Variants in SLC44A5 observed in about 807,000 individuals in gnomAD.
SLC44A5 encodes choline transporter-like protein 5.
In SLC44A5, 57 loss-of-function variants were observed where a neutral mutation model predicts 101.8. That is an observed-to-expected ratio of 0.56 (90% CI 0.45 to 0.70). SLC44A5 has a LOEUF of 0.70. Ranked by LOEUF, SLC44A5 falls within the 30% of genes least tolerant of loss-of-function variation. The pLI is 0.00. For missense variants in SLC44A5, 737 were observed against 853.1 expected (o/e 0.86, Z 1.70); for synonymous variants, 281 against 290.9 (o/e 0.97, Z 0.35).
intron 1 of SLC44A5, among the ~76,000 whole-genome samples, chr1:75,563,099 G>A (rs956927154): frequency 7.9e-5 from 12 of 152,032 alleles, no homozygotes; most frequent in African/African-American, 2.7e-4. Flanking sequence ...TCATAATGTA[G>A]TTTTATACAA....
At position 75,390,873 on chromosome 1, in the gene SLC44A5, G is replaced by A. The variant is rs77473707; in HGVS notation, c.52+5710C>T. Among the ~76,000 whole-genome samples the A allele has an allele frequency of 4.8e-3, 728 of 152,058 alleles. 4 individuals are homozygous for A. The highest frequency in any genetic ancestry group is 0.017 in the African/African-American group (696 of 41,492). On this transcript the variant is annotated intron_variant, in intron 3 of 23. Coordinates refer to ENST00000370859, the MANE Select transcript of SLC44A5 (RefSeq NM_001130058.2). ...ATCAGGTGAGAGAACAAAACAAAACGGATCTAAATAGGAAAAGAATATGTA... is the reference window on the plus strand; with the variant it reads ...ATCAGGTGAGAGAACAAAACAAAACAGATCTAAATAGGAAAAGAATATGTA...
At chr1:75,604,913 T>C (rs1675232310) in intron 1 of SLC44A5, among the ~76,000 whole-genome samples, 1 of 152,082 alleles carries the variant, frequency 6.6e-6, no homozygotes, top group African/African-American at 2.4e-5. Flanking sequence ...CCAAAAGTCT[T>C]TGGCAGTCTT....
At chr1:75,390,922 T>C (rs1419576687) in intron 3 of SLC44A5, among the ~76,000 whole-genome samples, 4 of 152,094 alleles carry the variant, frequency 2.6e-5, no homozygotes, top group Admixed American at 6.6e-5. Context: ...CCACTGAAGA[T>C]AGAACTCGAT....
rs573459442 is a variant in SLC44A5, at chr1:75,405,884, A to AC, written c.14-9264_14-9263insG. ...AGCAGAACTGAAGGCGATAGAGATAAAAAAAAAAAAAACCCTTTAAAAAAT... is the reference window on the plus strand; with the variant it reads ...AGCAGAACTGAAGGCGATAGAGATAACAAAAAAAAAAAACCCTTTAAAAAAT... On this transcript the variant is annotated intron_variant, in intron 2 of 23. Coordinates refer to ENST00000370859, the MANE Select transcript of SLC44A5 (RefSeq NM_001130058.2). Among the ~76,000 whole-genome samples, 321 of 129,018 alleles carry AC rather than the reference A, an allele frequency of 2.5e-3. 2 individuals carry two copies. The highest frequency in any genetic ancestry group is 9.1e-3 in the African/African-American group (300 of 33,142). The allele number at this position is 129,018 out of a possible 152,430, so 84.6% of individuals were successfully genotyped here. A position where few individuals can be genotyped will look rare whatever the true frequency, so the allele number is the denominator to read the frequency against.
At chr1:75,389,148 A>G (rs1392852820) in intron 3 of SLC44A5, among the ~76,000 whole-genome samples, 1 of 152,232 alleles carries the variant, frequency 6.6e-6, no homozygotes, top group Admixed American at 6.5e-5. Context: ...CTAAATATAT[A>G]CGCACTCAAC....
chr1:75,272,902 G>T (rs1460139170), intron 6 of SLC44A5, among the ~76,000 whole-genome samples: 2 of 149,080 alleles, frequency 1.3e-5, no homozygotes, highest in African/African-American at 2.4e-5. Context: ...TTTTAGGATT[G>T]TTTTTTTCTA....
At chr1:75,611,156 A>G, upstream of SLC44A5, 1 of 937,082 alleles carries the variant, frequency 1.1e-6, no homozygotes, top group Non-Finnish European at 1.3e-6. Flanking sequence ...GTGTTCCAGT[A>G]TCACTAAGGG....
intron 12 of SLC44A5, among the ~76,000 whole-genome samples, chr1:75,228,764 A>G (rs1359509659): frequency 6.6e-6 from 1 of 151,614 alleles, no homozygotes; most frequent in African/African-American, 2.4e-5. Context: ...TTCTTTTTTT[A>G]ATAAGCCTAG....
chr1:75,537,035 T>A (rs376331092), intron 2 of SLC44A5, among the ~76,000 whole-genome samples: 7,576 of 43,034 alleles, frequency 0.18, 979 homozygotes, highest in Middle Eastern at 0.29. Flanking sequence ...AAAAAAAAAA[T>A]ATATATCTAT....
chr1:75,476,456 C>G (rs1325334701), intron 2 of SLC44A5, among the ~76,000 whole-genome samples: 1 of 152,218 alleles, frequency 6.6e-6, no homozygotes, highest in Non-Finnish European at 1.5e-5. Context: ...GGCATTGCCT[C>G]ACTCGGGAAG....
chr1:75,401,605 T>C (rs1662479220), intron 2 of SLC44A5, among the ~76,000 whole-genome samples: 1 of 152,032 alleles, frequency 6.6e-6, no homozygotes, highest in Non-Finnish European at 1.5e-5. Flanking sequence ...TGGAGGACAC[T>C]GGGCGAGGGG....
the SLC44A5 span, among the ~76,000 whole-genome samples, chr1:75,696,527 T>C: frequency 6.6e-6 from 1 of 152,092 alleles, no homozygotes; most frequent in East Asian, 1.9e-4. Context: ...ATATTGAGGA[T>C]TGGAGTCATC....
intron 3 of SLC44A5, among the ~76,000 whole-genome samples, chr1:75,386,565 C>T (rs905041177): frequency 1.3e-5 from 2 of 152,144 alleles, no homozygotes; most frequent in Non-Finnish European, 2.9e-5. Context: ...AAAGAGAATA[C>T]AAACAAATGG....
the SLC44A5 span, among the ~76,000 whole-genome samples, chr1:75,678,760 G>A: frequency 6.6e-6 from 1 of 152,046 alleles, no homozygotes; most frequent in Non-Finnish European, 1.5e-5. Context: ...AAGCTGCACG[G>A]AGAATGACTT....
At chr1:75,249,439 G>A (rs1337938585) in intron 7 of SLC44A5, among the ~76,000 whole-genome samples, 2 of 151,976 alleles carry the variant, frequency 1.3e-5, no homozygotes, top group African/African-American at 2.4e-5. Flanking sequence ...AAGCAATATG[G>A]GCCTCAAGAC....
At chr1:75,264,030 G>C (rs1650772151) in intron 6 of SLC44A5, among the ~76,000 whole-genome samples, 4 of 150,928 alleles carry the variant, frequency 2.7e-5, no homozygotes, top group Admixed American at 2.6e-4. Flanking sequence ...ACCTAGTGTA[G>C]ACGACAGGTT....
chr1:75,292,104 T>C (rs528478141), intron 5 of SLC44A5, among the ~76,000 whole-genome samples: 1 of 152,128 alleles, frequency 6.6e-6, no homozygotes, highest in South Asian at 2.1e-4. Flanking sequence ...TATGATGAAC[T>C]ACAGGGAGAT....
the SLC44A5 span, among the ~76,000 whole-genome samples, chr1:75,620,274 A>G: frequency 6.6e-6 from 1 of 152,158 alleles, no homozygotes; most frequent in Non-Finnish European, 1.5e-5. Context: ...GCTATCGTGA[A>G]CAGTGCTGCA....
At chr1:75,659,928 T>G in the SLC44A5 span, among the ~76,000 whole-genome samples, 1 of 151,922 alleles carries the variant, frequency 6.6e-6, no homozygotes, top group African/African-American at 2.4e-5. Flanking sequence ...AATCAATAAA[T>G]GTAATATATC....
Sources: gnomAD v4.1 joint callset for allele counts (sites outside exome capture counted in the v4.1 genomes callset) on GRCh38, gnomAD v4.1.1 for gene constraint, MANE v1.5 for transcripts, NCBI Gene and HGNC (gene_info 2026-07-23, HGNC 2026-07-21) for gene names.